Variants in CLCN1 observed in about 807,000 individuals in gnomAD.
CLCN1 encodes chloride voltage-gated channel 1.
In CLCN1, 100 loss-of-function variants were observed where a neutral mutation model predicts 114.5. That is an observed-to-expected ratio of 0.87 (90% CI 0.74 to 1.03). The LOEUF (loss-of-function observed/expected upper bound fraction) is 1.03. Among genes scored for constraint, CLCN1 ranks in the 50% least tolerant of loss-of-function variants. The pLI, the probability that CLCN1 is intolerant of heterozygous loss-of-function variation, is 0.00. For synonymous variants in CLCN1, 485 were observed against 487.1 expected, an observed-to-expected ratio of 1.00 and a Z score of 0.06; for missense variants, 1,188 against 1,250.0, an observed-to-expected ratio of 0.95 and a Z score of 0.75.
At chr7:143,325,829 A>T (rs1284804983) in intron 7 of CLCN1, among the ~76,000 whole-genome samples, 1 of 152,214 alleles carries the variant, frequency 6.6e-6, no homozygotes, top group Non-Finnish European at 1.5e-5. Flanking sequence ...GATCACAGAG[A>T]AGTTACAGGC....
chr7:143,324,818 C>T lies in CLCN1; in HGVS notation c.853+326C>T, dbSNP rs975898809. On this transcript the variant is annotated intron_variant, in intron 7 of 22. Transcript: ENST00000343257. This position sits in a 1 kb window ranked among gnomAD's most constrained non-coding sequence, Gnocchi z 4.6. ...TCTCCGTGGCTCCCCTACTTATTTT[C>T]AAACCTGTTTGTATTGTTGGATGTT... Among the ~76,000 whole-genome samples, 7 of 152,202 alleles carry T rather than the reference C, an allele frequency of 4.6e-5. No homozygotes were observed. Among genetic ancestry groups the T allele is most frequent in the Non-Finnish European group, 1.0e-4 (7 of 68,038 alleles).
intron 17 of CLCN1, 30 bp from the exon 18 acceptor site, chr7:143,346,110 C>A: frequency 7.1e-7 from 1 of 1,416,500 alleles, no homozygotes; most frequent in Non-Finnish European, 1.0e-6. Flanking sequence ...TCTCTGCTCC[C>A]AGGCTGAGAC....
chr7:143,321,002 A>C lies in CLCN1; in HGVS notation c.433+207A>C, dbSNP rs953156301. 6.6e-6 allele frequency among the ~76,000 whole-genome samples: 1 copy of C among 152,106 alleles called. No homozygotes were observed. Among genetic ancestry groups the C allele is most frequent in the Non-Finnish European group, 1.5e-5 (1 of 68,000 alleles). ...CACGCCCCTCCACTCACTGCCACCC[A>C]AGCAGTGGATGCCCCTCTAATAGGG... On this transcript the variant is annotated intron_variant, in intron 3 of 22. Coordinates refer to ENST00000343257, the MANE Select transcript of CLCN1 (RefSeq NM_000083.3). The surrounding 1 kb of genome is among the most constrained non-coding windows in gnomAD (Gnocchi z 4.2).
rs77890042 is a variant in CLCN1, at chr7:143,349,479, A to G, written c.2404-893A>G. Among the ~76,000 whole-genome samples, 554 of 152,364 alleles carry G rather than the reference A, an allele frequency of 3.6e-3. 3 individuals carry two copies. Among genetic ancestry groups the G allele is most frequent in the Middle Eastern group, 0.017 (5 of 294 alleles). ...TAGATCATTCAGAGGATACTGACTGAAAAGAGATTTTAGAAATTTTAGAAA... is the reference window on the plus strand; with the variant it reads ...TAGATCATTCAGAGGATACTGACTGGAAAGAGATTTTAGAAATTTTAGAAA... On this transcript the variant is annotated intron_variant, in intron 20 of 22. Transcript: ENST00000343257.
intron 14 of CLCN1, among the ~76,000 whole-genome samples, chr7:143,341,571 TTAATAA>T (rs5888095): frequency 2.3e-4 from 33 of 146,360 alleles, no homozygotes; most frequent in Non-Finnish European, 3.9e-4. Context: ...ATAATAATAA[TTAATAA>T]TAATAATAAT....
chr7:143,323,765 G>C (rs1400583726), intron 6 of CLCN1: 14 of 481,902 alleles, frequency 2.9e-5, no homozygotes, highest in South Asian at 2.2e-4. Context: ...TCTTACATAC[G>C]TCCCGCCTGC....
rs1372374811 is a variant in CLCN1 at position 143,346,615 on chromosome 7, G to A, written c.2321G>A (p.Cys774Tyr). 6.2e-7 allele frequency: 1 copy of A among 1,613,822 alleles called. No homozygotes were observed. The highest frequency in any genetic ancestry group is 1.7e-5 in the Admixed American group (1 of 60,008). The change falls in exon 19 of 23, where the codon TGC (cysteine) becomes TAC (tyrosine). Residue 774 changes from cysteine to tyrosine, a missense_variant. By Grantham distance (194) the Cys-to-Tyr change is radical. Transcript: ENST00000343257. Reference protein sequence around the residue: ...RPSIFQSLLHCLLGRARPTKK... With the variant: ...RPSIFQSLLHYLLGRARPTKK... ...TCCATCTTCCAGTCCCTGCTTCACT[G>A]CTTGCTGGGCAGAGCTCGCCCCACA...
intron 1 of CLCN1, 26 bp from the exon 2 acceptor site, chr7:143,319,729 A>G: frequency 6.2e-7 from 1 of 1,613,298 alleles, no homozygotes; most frequent in Non-Finnish European, 8.5e-7. Flanking sequence ...CACAAGGCAG[A>G]CACTGATCAT....
intron 16 of CLCN1, among the ~76,000 whole-genome samples, chr7:143,344,757 T>TA: frequency 6.7e-6 from 1 of 149,788 alleles, no homozygotes; most frequent in Non-Finnish European, 1.5e-5. Context: ...CAGGGTTTTT[T>TA]TTTTTTTTTT....
At position 143,331,306 on chromosome 7, in the gene CLCN1, G is replaced by T; in HGVS notation, c.1054G>T (p.Ala352Ser). ...TGACCTGAAGGAACTACCAGCTTTT[G>T]CTGCCATCGGGTCAGTGGGGTTACC... is the stretch of plus-strand genomic sequence containing the variant. ...PFDLKELPAF[A>S]AIGICCGLLG... The change falls in exon 9 of 23, where the codon GCT becomes TCT. Residue 352 changes from alanine (A) to serine (S), a missense_variant. Transcript: ENST00000343257. The T allele has an allele frequency of 6.2e-7, 1 of 1,611,278 alleles. No individual in the cohort carries two copies. The highest frequency in any genetic ancestry group is 8.5e-7 in the Non-Finnish European group (1 of 1,177,380).
chr7:143,326,008 TTTTG>T (rs113564889), intron 7 of CLCN1, among the ~76,000 whole-genome samples: 79 of 152,060 alleles, frequency 5.2e-4, no homozygotes, highest in East Asian at 1.5e-3. Context: ...TACTTGTTTT[TTTTG>T]TTTGTTTGTT....
intron 1 of CLCN1, among the ~76,000 whole-genome samples, chr7:143,317,018 T>C (rs1006584613): frequency 9.2e-5 from 14 of 152,160 alleles, no homozygotes; most frequent in African/African-American, 3.4e-4. Flanking sequence ...AACAGAAGCA[T>C]GCAGGCTAAT....
Position 143,351,935 on chromosome 7 carries a change from C to G in CLCN1, c.2937C>G (p.Asp979Glu), listed in dbSNP as rs776873546. The G allele has an allele frequency of 6.2e-7, 1 of 1,613,340 alleles. No homozygotes were observed. Among genetic ancestry groups the G allele is most frequent in the Admixed American group, 1.7e-5 (1 of 60,016 alleles). ...AGGGCCCCAGCCTGCGATCCACAGA[C>G]GAGGAGGATGAGGATGAACTGATCC... ...ILQGPSLRST[D>E]EEDEDELIL The change falls in exon 23 of 23, where the codon GAC becomes GAG. Residue 979 changes from aspartate to glutamate, a missense_variant. By Grantham distance (45) the Asp-to-Glu change is conservative. Transcript: ENST00000343257.
Position 143,332,905 on chromosome 7 carries a change from C to G in CLCN1, c.1401+32C>G, listed in dbSNP as rs148834637. On this transcript the variant is annotated intron_variant, in intron 12 of 22. Transcript: ENST00000343257. ...CTCCTGACACTAGCAACACCCTAAA[C>G]CTCCATCTGTTTTCAATCTATGAAC... The G allele has an allele frequency of 8.7e-6, 14 of 1,612,038 alleles. No homozygotes were observed. The South Asian group carries it at 9.9e-5, about 11-fold the overall frequency.
At chr7:143,345,440 T>TG (rs1803203066) in intron 16 of CLCN1, 81 bp from the exon 17 acceptor site, 1 of 1,446,692 alleles carries the variant, frequency 6.9e-7, no homozygotes, top group Non-Finnish European at 9.1e-7. Flanking sequence ...GCGCCTCTCC[T>TG]GTTCCTTCTC....
At position 143,350,283 on chromosome 7, in the gene CLCN1, G is replaced by A. The variant is rs547701243; in HGVS notation, c.2404-89G>A. 6.3e-6 allele frequency: 6 copies of A among 948,484 alleles called. No homozygotes were observed. Among genetic ancestry groups the A allele is most frequent in the African/African-American group, 1.6e-5 (1 of 61,588 alleles). The allele number at this position is 948,484 out of a possible 1,614,324, so 58.8% of individuals were successfully genotyped here. A position where few individuals can be genotyped will look rare whatever the true frequency, so the allele number is the denominator to read the frequency against. ...TGCATGTTCCCAGATTCTGGGCAGC[G>A]GCTAGGAGGGCCGTTTGGGGTCAAA... On this transcript the variant is annotated intron_variant, in intron 20 of 22. Coordinates refer to ENST00000343257, the MANE Select transcript of CLCN1 (RefSeq NM_000083.3). The surrounding 1 kb of genome is among the most constrained non-coding windows in gnomAD (Gnocchi z 5.1).
intron 12 of CLCN1, among the ~76,000 whole-genome samples, chr7:143,337,807 C>CTTTTTTTTTTTTTT (rs869078445): frequency 2.2e-5 from 1 of 46,078 alleles, no homozygotes; most frequent in Non-Finnish European, 4.0e-5. Context: ...TTTCTCAATT[C>CTTTTTTTTTTTTTT]TTTTTTTTTT....
At chr7:143,330,237 C>T (rs1048735912) in intron 7 of CLCN1, among the ~76,000 whole-genome samples, 2 of 152,086 alleles carry the variant, frequency 1.3e-5, no homozygotes, top group African/African-American at 2.4e-5. Context: ...AAGCCCCCTC[C>T]TATTTTTGTT....
chr7:143,340,675 G>A lies in CLCN1; in HGVS notation c.1582+1054G>A, dbSNP rs994602573. On this transcript the variant is annotated intron_variant, in intron 14 of 22. Coordinates refer to ENST00000343257, the MANE Select transcript of CLCN1 (RefSeq NM_000083.3). ...AGCCTCCCAAGTAGCTGGGATTACA[G>A]GCACATGCCATCATGTCTGGCTAAT... Among the ~76,000 whole-genome samples, 17 of 152,306 alleles carry A rather than the reference G, an allele frequency of 1.1e-4. No homozygotes were observed. In the East Asian group the frequency reaches 1.5e-3, roughly 14 times the overall value.
Sources: allele counts gnomAD v4.1 joint callset (sites outside exome capture counted in the v4.1 genomes callset), GRCh38; gene constraint gnomAD v4.1.1; non-coding constraint Gnocchi (gnomAD v3.1); transcripts MANE v1.5; gene names NCBI Gene and HGNC (gene_info 2026-07-23, HGNC 2026-07-21).